Variants in DHX30 observed in about 807,000 individuals in gnomAD.
DHX30 encodes the protein ATP-dependent RNA helicase DHX30.
Under a neutral mutation model 116.9 loss-of-function variants are expected in DHX30, and 4 were observed. The observed-to-expected ratio is 0.03, with a 90% CI of 0.02 to 0.08. The LOEUF (loss-of-function observed/expected upper bound fraction) is 0.08, where lower values mean the gene tolerates loss of function less well. Among genes scored for constraint, DHX30 ranks in the 10% least tolerant of loss-of-function variants. The probability of loss-of-function intolerance (pLI) is 1.00; values close to 1 mark genes in which losing one functional copy is unlikely to be tolerated. For synonymous variants in DHX30, 697 were observed against 651.7 expected (o/e 1.07, Z -1.06); for missense variants, 871 against 1,595.1 (o/e 0.55, Z 7.73).
At chr3:47,813,064 C>T (rs1430989173) in intron 3 of DHX30, among the ~76,000 whole-genome samples, 1 of 151,094 alleles carries the variant, frequency 6.6e-6, no homozygotes, top group South Asian at 2.1e-4. Context: ...TCTTGCCGGG[C>T]GCGGTGGCTC....
intron 3 of DHX30, 59 bp from the exon 4 acceptor site, chr3:47,817,963 G>A (rs773341182): frequency 7.7e-6 from 6 of 780,536 alleles, no homozygotes; most frequent in African/African-American, 1.7e-5. Context: ...GTCAGTTCAG[G>A]GGTCTGTGAC....
At chr3:47,832,851 C>T (rs1201459046) in intron 6 of DHX30, among the ~76,000 whole-genome samples, 1 of 151,494 alleles carries the variant, frequency 6.6e-6, no homozygotes. Context: ...GTTGGCCAGG[C>T]TGGTCTCAAA....
chr3:47,849,693 C>T lies in DHX30; in HGVS notation c.3255C>T (p.Ser1085=), dbSNP rs777224548. Residue 1085 remains serine, a synonymous_variant, in exon 21 of 22, where the codon AGC becomes AGT. Coordinates refer to ENST00000445061, the MANE Select transcript of DHX30 (RefSeq NM_138615.3). ...TCATGGCAGTCAAGTCCAATGGCAG[C>T]GTCTTCGTCCGGGACTCCTCTCAGG... The part of the protein sequence containing the change: ...TYFMAVKSNG[S]VFVRDSSQVH... 1.3e-5 allele frequency: 21 copies of T among 1,614,078 alleles called. No homozygotes were observed. The highest frequency in any genetic ancestry group is 4.4e-5 in the South Asian group (4 of 91,086).
chr3:47,831,721 G>A (rs1481021788), intron 6 of DHX30, among the ~76,000 whole-genome samples: 1 of 148,404 alleles, frequency 6.7e-6, no homozygotes, highest in Non-Finnish European at 1.5e-5. Flanking sequence ...ATATTGCTGA[G>A]GCTGGTTTTG....
At chr3:47,809,876 G>C (rs1295079843) in intron 2 of DHX30, among the ~76,000 whole-genome samples, 1 of 152,162 alleles carries the variant, frequency 6.6e-6, no homozygotes, top group Non-Finnish European at 1.5e-5. Context: ...ACTAATCAAG[G>C]AGTACTGGAT....
In DHX30 at chr3:47,841,751, C is replaced by T. The variant is rs1216346969; in HGVS notation, c.789+14C>T. ...TCCACAGCTAAGGTGAGTTGGGTCT[C>T]CTAGAAGTTTGTGTGGGGGCCGTTT... On this transcript the variant is annotated intron_variant, in intron 8 of 21. Coordinates refer to ENST00000445061, the MANE Select transcript of DHX30 (RefSeq NM_138615.3). 2 of 1,614,022 alleles carry T rather than the reference C, an allele frequency of 1.2e-6. No individual in the cohort carries two copies. The highest frequency in any genetic ancestry group is 2.2e-5 in the East Asian group (1 of 44,902).
At chr3:47,807,619 A>T (rs1448946540) in intron 2 of DHX30, among the ~76,000 whole-genome samples, 1 of 145,550 alleles carries the variant, frequency 6.9e-6, no homozygotes, top group African/African-American at 2.5e-5. Context: ...ACAGGAGAAT[A>T]GCTTGAACCC....
intron 4 of DHX30, among the ~76,000 whole-genome samples, chr3:47,822,495 G>A (rs2036341214): frequency 6.6e-6 from 1 of 152,144 alleles, no homozygotes; most frequent in Non-Finnish European, 1.5e-5. Flanking sequence ...CAAGTGAAAG[G>A]GGTTTTCCCA....
chr3:47,841,829 G>A, intron 8 of DHX30, 92 bp downstream of exon 8: 2 of 1,572,700 alleles, frequency 1.3e-6, no homozygotes, highest in African/African-American at 1.4e-5. Context: ...GGCTGAGGGG[G>A]TGTGTTCCTC....
At chr3:47,809,843 C>T (rs180921573) in intron 2 of DHX30, among the ~76,000 whole-genome samples, 10 of 152,240 alleles carry the variant, frequency 6.6e-5, no homozygotes, top group Non-Finnish European at 4.4e-5. Context: ...TGTTTTTAAA[C>T]AAAGTCCATT....
At chr3:47,808,692 C>T (rs1205703974) in intron 2 of DHX30, among the ~76,000 whole-genome samples, 3 of 151,572 alleles carry the variant, frequency 2.0e-5, no homozygotes, top group Admixed American at 6.6e-5. Flanking sequence ...TCTCCTGCCT[C>T]AGTCCCCTGA....
At chr3:47,805,883 A>C (rs373475876) in intron 2 of DHX30, among the ~76,000 whole-genome samples, 122 of 152,248 alleles carry the variant, frequency 8.0e-4, no homozygotes, top group African/African-American at 2.9e-3. Context: ...TCTGTCCTGG[A>C]ACCATCCCCA....
intron 8 of DHX30, chr3:47,842,563 CT>C: frequency 6.6e-6 from 1 of 152,476 alleles, no homozygotes; most frequent in Middle Eastern, 3.4e-3. Flanking sequence ...TTAAGTCCCC[CT>C]CCCCTTCCTA....
intron 4 of DHX30, 101 bp from the exon 5 acceptor site, chr3:47,827,246 C>A: frequency 7.8e-7 from 1 of 1,283,440 alleles, no homozygotes; most frequent in Non-Finnish European, 1.1e-6. Context: ...GGTCATGAGC[C>A]AACATCCTCA....
chr3:47,829,239 C>G (rs1559702735), intron 6 of DHX30, 105 bp downstream of exon 6: 3 of 460,406 alleles, frequency 6.5e-6, no homozygotes, highest in Non-Finnish European at 1.2e-5. Flanking sequence ...CTCACCTGCC[C>G]TGAGCCCTTC....
chr3:47,847,318 G>A lies in DHX30; in HGVS notation c.1975G>A (p.Val659Ile), dbSNP rs150885894. ...CGATTTGGACCTTGTGACTGATCTG[G>A]TTCTGCACATCGATGCTCGCGGGGA... Reference protein sequence around the residue: ...ALDLDLVTDLVLHIDARGEPG... With the variant: ...ALDLDLVTDLILHIDARGEPG... Residue 659 changes from valine to isoleucine, a missense_variant, in exon 12 of 22, where the codon GTT becomes ATT. Transcript: ENST00000445061. The surrounding 1 kb of genome is among the most constrained non-coding windows in gnomAD (Gnocchi z 5.5). The A allele has an allele frequency of 5.0e-6, 8 of 1,614,124 alleles. No homozygotes were observed. In the African/African-American group the frequency reaches 8.0e-5, roughly 16 times the overall value.
chr3:47,818,524 A>C (rs745512050), intron 4 of DHX30, among the ~76,000 whole-genome samples: 1 of 152,150 alleles, frequency 6.6e-6, no homozygotes, highest in Non-Finnish European at 1.5e-5. Context: ...AGTGCTTTCC[A>C]TCTTGGAGGC....
In DHX30 at chr3:47,826,448, T is replaced by C. The variant is rs947416690; in HGVS notation, c.125-899T>C. Among the ~76,000 whole-genome samples the C allele has an allele frequency of 4.5e-4, 68 of 150,228 alleles. 1 individual carries two copies. The highest frequency in any genetic ancestry group is 5.9e-4 in the Non-Finnish European group (40 of 67,342). ...TCAGATGTAGAGGTTTTCTTTCTTT[T>C]TTTTTTTTTTTTTTGAGATGGAGTT... On this transcript the variant is annotated intron_variant, in intron 4 of 21. Coordinates refer to ENST00000445061, the MANE Select transcript of DHX30 (RefSeq NM_138615.3).
chr3:47,841,204 C>G, intron 7 of DHX30, 26 bp downstream of exon 7: 1 of 1,609,218 alleles, frequency 6.2e-7, no homozygotes, highest in Non-Finnish European at 8.5e-7. Context: ...GGGGATGCAG[C>G]AGAGGCTGGC....
Sources: gnomAD v4.1 joint callset for allele counts (sites outside exome capture counted in the v4.1 genomes callset) on GRCh38, gnomAD v4.1.1 for gene constraint, Gnocchi (gnomAD v3.1) non-coding constraint, MANE v1.5 for transcripts, NCBI Gene and HGNC (gene_info 2026-07-23, HGNC 2026-07-21) for gene names.